Variants in SLC22A25 observed in about 807,000 individuals in gnomAD.
SLC22A25 encodes MGI:2442751, MGI:2385316, MGI:3042283, MGI:3645714, MGI:3605624, MGI:2442750.
In SLC22A25, 44 loss-of-function variants were observed where a neutral mutation model predicts 45.9. The ratio of observed to expected loss-of-function variants is 0.96; its 90% CI spans 0.75 to 1.23. The LOEUF (loss-of-function observed/expected upper bound fraction) is 1.23, where lower values mean the gene tolerates loss of function less well. Ranked by LOEUF, SLC22A25 falls within the 50% of genes most tolerant of loss-of-function variation. The probability of loss-of-function intolerance (pLI) is 0.00; values close to 1 mark genes in which losing one functional copy is unlikely to be tolerated. For missense variants in SLC22A25, 800 were observed against 666.4 expected, an observed-to-expected ratio of 1.20 and a Z score of -2.21; for synonymous variants, 283 against 238.6, an observed-to-expected ratio of 1.19 and a Z score of -1.72.
At chr11:63,174,999 C>G (rs759942967) in intron 9 of SLC22A25, among the ~76,000 whole-genome samples, 3 of 152,052 alleles carry the variant, frequency 2.0e-5, no homozygotes, top group Non-Finnish European at 4.4e-5. Context: ...ATCATGAGTA[C>G]GTACCACATT....
chr11:63,177,790 C>T (rs114361301), intron 9 of SLC22A25, among the ~76,000 whole-genome samples: 2,574 of 108,060 alleles, frequency 0.024, 72 homozygotes, highest in African/African-American at 0.06. Context: ...TCTACATATC[C>T]GATTATATAT....
chr11:63,215,115 A>G (rs918187884), intron 7 of SLC22A25, among the ~76,000 whole-genome samples: 2 of 152,202 alleles, frequency 1.3e-5, no homozygotes, highest in Non-Finnish European at 2.9e-5. Flanking sequence ...TCATTCTACT[A>G]TAAAGACACA....
At position 63,215,686 on chromosome 11, in the gene SLC22A25, T is replaced by C. The variant is rs545439782; in HGVS notation, c.830+1628A>G. On this transcript the variant is annotated intron_variant, in intron 7 of 11. Coordinates refer to ENST00000306494, the MANE Select transcript of SLC22A25 (RefSeq NM_199352.6). Reference sequence around the variant, plus strand: ...TTGTTACACAGGTAAACATGTATTATGGAAGTTTGTTGTACATATTTTTTC... The same window carrying C: ...TTGTTACACAGGTAAACATGTATTACGGAAGTTTGTTGTACATATTTTTTC... 3.7e-3 allele frequency among the ~76,000 whole-genome samples: 561 copies of C among 152,288 alleles called. 5 individuals carry two copies. The highest frequency in any genetic ancestry group is 0.013 in the African/African-American group (528 of 41,560).
At chr11:63,208,955 C>T (rs189027365) in intron 7 of SLC22A25, among the ~76,000 whole-genome samples, 21 of 152,068 alleles carry the variant, frequency 1.4e-4, no homozygotes, top group Non-Finnish European at 2.5e-4. Context: ...GGGAAAGTGT[C>T]AAAACCAACT....
At position 63,217,405 on chromosome 11, in the gene SLC22A25, T is replaced by A. The variant is rs866017705; in HGVS notation, c.739A>T (p.Thr247Ser). The change falls in exon 7 of 12, where the codon ACC becomes TCC. Residue 247 changes from threonine (T) to serine (S), a missense_variant. Thr to Ser is a moderately conservative substitution (Grantham distance 58). Transcript: ENST00000306494. Reference protein sequence around the residue: ...TLCAASIGHITLGSLAFVIRD... With the variant: ...TLCAASIGHISLGSLAFVIRD... The stretch of plus-strand genomic sequence containing the variant: ...ATGACAAAAGCCAGGCTTCCCAGGG[T>A]TATATGTCCAATACTAGCAGCACAA... 8 of 1,613,962 alleles carry A rather than the reference T, an allele frequency of 5.0e-6. No homozygotes were observed. The highest frequency in any genetic ancestry group is 6.8e-6 in the Non-Finnish European group (8 of 1,179,994).
At chr11:63,195,073 AC>A (rs2088968442) in intron 7 of SLC22A25, among the ~76,000 whole-genome samples, 1 of 152,054 alleles carries the variant, frequency 6.6e-6, no homozygotes, top group Non-Finnish European at 1.5e-5. Flanking sequence ...ATATATATGC[AC>A]CCAATACAAG....
At chr11:63,177,196 G>A (rs2088120509) in intron 9 of SLC22A25, among the ~76,000 whole-genome samples, 1 of 151,782 alleles carries the variant, frequency 6.6e-6, no homozygotes, top group African/African-American at 2.4e-5. Context: ...ATTATAAAAT[G>A]TCTAGATGTG....
chr11:63,214,057 T>C (rs893905986), intron 7 of SLC22A25, among the ~76,000 whole-genome samples: 2 of 152,212 alleles, frequency 1.3e-5, no homozygotes, highest in Non-Finnish European at 2.9e-5. Context: ...ACAGCTAGAA[T>C]GAACAAGTTG....
chr11:63,234,219 C>G (rs1182525176), intron 3 of SLC22A25, among the ~76,000 whole-genome samples: 1 of 152,134 alleles, frequency 6.6e-6, no homozygotes, highest in African/African-American at 2.4e-5. Flanking sequence ...ATTGATCTGT[C>G]TAATGTTGAC....
At chr11:63,239,980 T>G (rs75139525) in intron 1 of SLC22A25, among the ~76,000 whole-genome samples, 2,492 of 152,286 alleles carry the variant, frequency 0.016, 67 homozygotes, top group African/African-American at 0.057. Flanking sequence ...AATGCATTAT[T>G]ATGTGATTTT....
intron 8 of SLC22A25, 105 bp from the exon 9 acceptor site, chr11:63,180,880 C>A: frequency 1.4e-6 from 1 of 724,556 alleles, no homozygotes; most frequent in East Asian, 2.6e-5. Context: ...ACATCCCTTT[C>A]TGTCTAGCAG....
Position 63,160,960 on chromosome 11 carries a change from A to G in SLC22A25, c.*2864T>C, listed in dbSNP as rs2087528490. On this transcript the variant is annotated 3_prime_UTR_variant, in exon 12 of 12. Transcript: ENST00000306494. Reference sequence around the variant, plus strand: ...CCTCAAAAAAATTAAAAGTAAAGCTAACATTTGACCCAACAGTTCCACTGC... The same window carrying G: ...CCTCAAAAAAATTAAAAGTAAAGCTGACATTTGACCCAACAGTTCCACTGC... Among the ~76,000 whole-genome samples, 1 of 152,204 alleles carries G rather than the reference A, an allele frequency of 6.6e-6. No homozygotes were observed. The highest frequency in any genetic ancestry group is 2.4e-5 in the African/African-American group (1 of 41,464).
intron 9 of SLC22A25, among the ~76,000 whole-genome samples, chr11:63,177,831 TATA>T (rs1411117443): frequency 2.1e-5 from 3 of 141,840 alleles, no homozygotes; most frequent in Non-Finnish European, 3.0e-5. Flanking sequence ...AATGTATATA[TATA>T]ATGTGTATAT....
chr11:63,190,443 C>T (rs774056107), intron 7 of SLC22A25, among the ~76,000 whole-genome samples: 6 of 152,028 alleles, frequency 3.9e-5, no homozygotes, highest in South Asian at 2.1e-4. Context: ...GTTAGCCATT[C>T]GTCTAATTTT....
At chr11:63,221,697 C>T (rs979116753) in intron 5 of SLC22A25, among the ~76,000 whole-genome samples, 4 of 152,048 alleles carry the variant, frequency 2.6e-5, no homozygotes, top group Non-Finnish European at 5.9e-5. Flanking sequence ...CTGAAGAAAT[C>T]ATTGCCCAGT....
In SLC22A25 at chr11:63,169,851, C is replaced by T. The variant is rs184353386; in HGVS notation, c.1071-3593G>A. 6.0e-4 allele frequency among the ~76,000 whole-genome samples: 91 copies of T among 152,326 alleles called. No homozygotes were observed. In the East Asian group the frequency reaches 0.015, roughly 26 times the overall value. ...TACAGAACTCTCTACCCCAAATCAA[C>T]AGAATATACATTCTTCTCAGCACCA... On this transcript the variant is annotated intron_variant, in intron 9 of 11. Coordinates refer to ENST00000306494, the MANE Select transcript of SLC22A25 (RefSeq NM_199352.6).
intron 7 of SLC22A25, among the ~76,000 whole-genome samples, chr11:63,209,867 C>T (rs1307874602): frequency 6.6e-6 from 1 of 152,216 alleles, no homozygotes; most frequent in Non-Finnish European, 1.5e-5. Flanking sequence ...AGGCAGCTCT[C>T]AGCTGGTTAG....
At chr11:63,227,553 C>A (rs1405826844) in intron 5 of SLC22A25, among the ~76,000 whole-genome samples, 1 of 152,188 alleles carries the variant, frequency 6.6e-6, no homozygotes, top group East Asian at 1.9e-4. Context: ...TTTCCCTCTC[C>A]TCTCCTCAAA....
At chr11:63,170,327 C>G (rs1312224270) in intron 9 of SLC22A25, among the ~76,000 whole-genome samples, 1 of 84,616 alleles carries the variant, frequency 1.2e-5, no homozygotes, top group African/African-American at 4.8e-5. Flanking sequence ...GAGAGCAGAA[C>G]AGAAGGAGAC....
Sources: gnomAD v4.1 joint callset for allele counts (sites outside exome capture counted in the v4.1 genomes callset) on GRCh38, gnomAD v4.1.1 for gene constraint, MANE v1.5 for transcripts, NCBI Gene and HGNC (gene_info 2026-07-23, HGNC 2026-07-21) for gene names.